RASA3: variants seen among roughly 807,000 people sequenced by gnomAD.
RASA3 encodes ras GTPase-activating protein 3.
Under a neutral mutation model 110.0 loss-of-function variants are expected in RASA3, and 73 were observed. The ratio of observed to expected loss-of-function variants is 0.66; its 90% CI spans 0.55 to 0.81. The LOEUF (loss-of-function observed/expected upper bound fraction) is 0.81. Ranked by LOEUF, RASA3 falls within the 30% of genes least tolerant of loss-of-function variation. RASA3 has a pLI of 0.00. For synonymous variants in RASA3, 500 were observed against 451.4 expected, an observed-to-expected ratio of 1.11 and a Z score of -1.37; for missense variants, 976 against 1,113.2, an observed-to-expected ratio of 0.88 and a Z score of 1.75.
rs112011971 is a variant in RASA3 at position 114,080,091 on chromosome 13, C to T, written c.56-6254G>A. Among the ~76,000 whole-genome samples the T allele has an allele frequency of 5.9e-5, 9 of 152,314 alleles. 1 individual carries two copies. The highest frequency in any genetic ancestry group is 1.9e-4 in the African/African-American group (8 of 41,572). On this transcript the variant is annotated intron_variant, in intron 1 of 23. Coordinates refer to ENST00000334062, the MANE Select transcript of RASA3 (RefSeq NM_007368.4). ...TCCTCTGGGCCGAGTCGAGGGCAGACGGCACCTGCTCTATCCTCACGCTCA... is the reference window on the plus strand; with the variant it reads ...TCCTCTGGGCCGAGTCGAGGGCAGATGGCACCTGCTCTATCCTCACGCTCA...
intron 2 of RASA3, among the ~76,000 whole-genome samples, chr13:114,066,111 G>A (rs569315049): frequency 6.9e-5 from 10 of 143,962 alleles, no homozygotes; most frequent in Admixed American, 5.3e-4. Flanking sequence ...CCGGGACACT[G>A]TGGCCTCGGC....
intron 3 of RASA3, among the ~76,000 whole-genome samples, chr13:114,042,609 G>A (rs1269274214): frequency 6.6e-6 from 1 of 152,230 alleles, no homozygotes; most frequent in Non-Finnish European, 1.5e-5. Flanking sequence ...TGGGCTCCCG[G>A]GAGCGGCCTG....
Position 114,098,075 on chromosome 13 carries a change from C to T in RASA3, c.56-24238G>A, listed in dbSNP as rs192543350. 9.9e-4 allele frequency among the ~76,000 whole-genome samples: 150 copies of T among 152,274 alleles called. 1 individual carries two copies. Among genetic ancestry groups the T allele is most frequent in the Non-Finnish European group, 1.3e-3 (91 of 68,002 alleles). On this transcript the variant is annotated intron_variant, in intron 1 of 23. Coordinates refer to ENST00000334062, the MANE Select transcript of RASA3 (RefSeq NM_007368.4). ...CTACAGCCCCCATCCAGGCCCAGGC[C>T]GGCTGCCAGCACAGAGAGGCCCAAG... is the stretch of plus-strand genomic sequence containing the variant.
At chr13:114,087,913 C>G (rs369501467) in intron 1 of RASA3, among the ~76,000 whole-genome samples, 15 of 152,172 alleles carry the variant, frequency 9.9e-5, no homozygotes, top group Non-Finnish European at 1.8e-4. Flanking sequence ...ACGGATGGCT[C>G]GAGCCCAGGA....
rs117324909 is a variant in RASA3, at chr13:114,037,801, C to T, written c.372+3199G>A. On this transcript the variant is annotated intron_variant, in intron 4 of 23. Coordinates refer to ENST00000334062, the MANE Select transcript of RASA3 (RefSeq NM_007368.4). ...CATCCGTGGACTGCACAAACGTCGGCGTCCTGGTTGACGTTGCACCAGCTG... is the reference window on the plus strand; with the variant it reads ...CATCCGTGGACTGCACAAACGTCGGTGTCCTGGTTGACGTTGCACCAGCTG... 5.8e-3 allele frequency among the ~76,000 whole-genome samples: 877 copies of T among 152,284 alleles called. 24 individuals are homozygous for T. Among genetic ancestry groups the T allele is most frequent in the East Asian group, 0.057 (295 of 5,166 alleles).
chr13:114,066,018 G>A (rs187496739), intron 2 of RASA3, among the ~76,000 whole-genome samples: 29 of 152,112 alleles, frequency 1.9e-4, no homozygotes, highest in African/African-American at 7.0e-4. Context: ...CAGGGGCACC[G>A]AGGAGCTGCC....
intron 2 of RASA3, among the ~76,000 whole-genome samples, chr13:114,058,707 A>C (rs2079287922): frequency 6.6e-6 from 1 of 152,192 alleles, no homozygotes; most frequent in Non-Finnish European, 1.5e-5. Flanking sequence ...ACCCTGGACT[A>C]TGCCGACCCG....
Position 113,979,143 on chromosome 13 carries a change from C to T in RASA3, c.*204G>A. 1.7e-6 allele frequency: 1 copy of T among 588,264 alleles called. No homozygotes were observed. The highest frequency in any genetic ancestry group is 3.0e-6 in the Non-Finnish European group (1 of 329,612). 36.4% of individuals were successfully genotyped at this position (588,264 alleles called of 1,614,324 possible). A position where few individuals can be genotyped will look rare whatever the true frequency, so the allele number is the denominator to read the frequency against. ...CAGAATCAAATGACGACACGTTCCA[C>T]AGGGCCAGGTGGGCTTTCTGCGGAG... On this transcript the variant is annotated 3_prime_UTR_variant, in exon 24 of 24. Coordinates refer to ENST00000334062, the MANE Select transcript of RASA3 (RefSeq NM_007368.4).
chr13:114,057,176 T>C lies in RASA3; in HGVS notation c.174-5021A>G, dbSNP rs2079259525. 1.2e-5 allele frequency: 12 copies of C among 979,090 alleles called. No individual in the cohort carries two copies. In the South Asian group the frequency reaches 1.9e-4, roughly 15 times the overall value. 60.7% of individuals were successfully genotyped at this position (979,090 alleles called of 1,614,324 possible). A position where few individuals can be genotyped will look rare whatever the true frequency, so the allele number is the denominator to read the frequency against. On this transcript the variant is annotated intron_variant, in intron 2 of 23. Transcript: ENST00000334062. The surrounding 1 kb of genome is among the most constrained non-coding windows in gnomAD (Gnocchi z 5.0). ...GTGGTTCCAATTGCCTATTTTAATG[T>C]TTTTCTTCTTATTTCATATAACTTT... is the stretch of plus-strand genomic sequence containing the variant.
At chr13:113,996,800 G>C (rs2053267600) in intron 20 of RASA3, 61 bp from the exon 21 acceptor site, 1 of 1,450,644 alleles carries the variant, frequency 6.9e-7, no homozygotes, top group Non-Finnish European at 9.6e-7. Flanking sequence ...GCACGTGCAA[G>C]AGTCCACCAG....
intron 23 of RASA3, 27 bp from the exon 24 acceptor site, chr13:113,979,449 G>A (rs777079017): frequency 1.3e-6 from 2 of 1,542,762 alleles, no homozygotes; most frequent in Non-Finnish European, 1.8e-6. Flanking sequence ...GAGAGGGAAT[G>A]AGGCACAGAC....
In RASA3 at chr13:114,018,943, G is replaced by A. The variant is rs747965244; in HGVS notation, c.786-24C>T. The A allele has an allele frequency of 5.1e-5, 82 of 1,612,568 alleles. 1 individual carries two copies. The South Asian group carries it at 7.4e-4, about 14-fold the overall frequency. ...ACCTGGGTGGGAGGGACACATGGAG[G>A]GGAGGCATGAGGCTGCATCTGCCAA... is the stretch of plus-strand genomic sequence containing the variant. On this transcript the variant is annotated intron_variant, in intron 9 of 23. Coordinates refer to ENST00000334062, the MANE Select transcript of RASA3 (RefSeq NM_007368.4).
intron 4 of RASA3, among the ~76,000 whole-genome samples, chr13:114,030,364 G>GCTTACACAGAGGGCAAGA (rs1555331907): frequency 5.9e-5 from 8 of 135,418 alleles, no homozygotes; most frequent in Non-Finnish European, 7.8e-5. Flanking sequence ...AGAGGGCAAG[G>GCTTACACAGAGGGCAAGA]CTCACACAGA....
At chr13:114,019,411 A>C (rs997641110) in intron 9 of RASA3, among the ~76,000 whole-genome samples, 3 of 152,120 alleles carry the variant, frequency 2.0e-5, no homozygotes, top group Non-Finnish European at 4.4e-5. Flanking sequence ...CTTTGGTTCT[A>C]CCCCACGCAG....
At chr13:114,117,583 G>A (rs1273760291) in intron 1 of RASA3, among the ~76,000 whole-genome samples, 17 of 141,640 alleles carry the variant, frequency 1.2e-4, no homozygotes, top group African/African-American at 4.3e-4. Context: ...CAATGCTTCT[G>A]TATGCACATC....
chr13:114,044,825 C>T (rs1488528175), intron 3 of RASA3, among the ~76,000 whole-genome samples: 2 of 152,028 alleles, frequency 1.3e-5, no homozygotes, highest in African/African-American at 4.8e-5. Flanking sequence ...GTTTTAAATA[C>T]TTGCAATGTC....
chr13:114,044,711 ACTT>A (rs140932289), intron 3 of RASA3, among the ~76,000 whole-genome samples: 2,911 of 150,438 alleles, frequency 0.019, 37 homozygotes, highest in Non-Finnish European at 0.032. Flanking sequence ...GAAAGCAAAA[ACTT>A]CTTAAAACTG....
intron 1 of RASA3, among the ~76,000 whole-genome samples, chr13:114,082,583 C>T (rs917540753): frequency 1.4e-4 from 22 of 152,196 alleles, no homozygotes; most frequent in Admixed American, 1.0e-3. Flanking sequence ...CTTGATGCGC[C>T]GCACTGAGAT....
chr13:114,054,805 C>T (rs764149863), intron 2 of RASA3, among the ~76,000 whole-genome samples: 1 of 152,220 alleles, frequency 6.6e-6, no homozygotes, highest in Non-Finnish European at 1.5e-5. Context: ...TAATGAAGGC[C>T]CATTAGAAAG....
Sources: gnomAD v4.1 joint callset for allele counts (sites outside exome capture counted in the v4.1 genomes callset) on GRCh38, gnomAD v4.1.1 for gene constraint, Gnocchi (gnomAD v3.1) non-coding constraint, MANE v1.5 for transcripts, NCBI Gene and HGNC (gene_info 2026-07-23, HGNC 2026-07-21) for gene names.